Variants in USH2A observed in about 807,000 individuals in gnomAD.
The protein encoded by USH2A is Usher syndrome 2A (autosomal recessive, mild).
Under a neutral mutation model 538.9 loss-of-function variants are expected in USH2A, and 443 were observed. The observed-to-expected ratio is 0.82, with a 90% CI of 0.76 to 0.89. The LOEUF (loss-of-function observed/expected upper bound fraction) is 0.89. Among genes scored for constraint, USH2A ranks in the 40% least tolerant of loss-of-function variants. The pLI is 0.00. For missense variants in USH2A, 6,633 were observed against 6,324.8 expected (o/e 1.05, Z -1.65); for synonymous variants, 2,413 against 2,273.5 (o/e 1.06, Z -1.75).
At chr1:216,250,093 C>A (rs942224910) in intron 12 of USH2A, among the ~76,000 whole-genome samples, 3 of 152,080 alleles carry the variant, frequency 2.0e-5, no homozygotes, top group Non-Finnish European at 4.4e-5. Flanking sequence ...TCATAATATT[C>A]TCATATATCA....
At chr1:216,288,393 T>C (rs2036930669) in intron 11 of USH2A, among the ~76,000 whole-genome samples, 2 of 152,132 alleles carry the variant, frequency 1.3e-5, no homozygotes, top group African/African-American at 4.8e-5. Flanking sequence ...TTTGAATCCA[T>C]ATTTTGTCTT....
chr1:216,305,977 G>A (rs1239781570), intron 9 of USH2A, among the ~76,000 whole-genome samples: 1 of 152,102 alleles, frequency 6.6e-6, no homozygotes, highest in African/African-American at 2.4e-5. Context: ...ATAACTTGAT[G>A]ACTATGTGCC....
At chr1:215,936,154 T>A (rs895092832) in intron 37 of USH2A, among the ~76,000 whole-genome samples, 1 of 151,828 alleles carries the variant, frequency 6.6e-6, no homozygotes, top group Admixed American at 6.6e-5. Flanking sequence ...TATAGACAAA[T>A]GAATTAAAAA....
At chr1:215,896,304 GTT>G (rs957115742) in intron 40 of USH2A, among the ~76,000 whole-genome samples, 1 of 144,806 alleles carries the variant, frequency 6.9e-6, no homozygotes, top group Non-Finnish European at 1.5e-5. Context: ...CAAGTTTGGG[GTT>G]TTTTTTTTTG....
intron 61 of USH2A, among the ~76,000 whole-genome samples, chr1:215,690,528 C>G (rs558867530): frequency 8.5e-5 from 13 of 152,232 alleles, no homozygotes; most frequent in Non-Finnish European, 1.6e-4. Context: ...TTGAGTGTAG[C>G]CTGGGCAACA....
intron 69 of USH2A, 85 bp from the exon 70 acceptor site, chr1:215,634,788 A>G (rs1656423585): frequency 1.2e-6 from 2 of 1,607,632 alleles, no homozygotes; most frequent in South Asian, 2.2e-5. Flanking sequence ...ATAGTAAATT[A>G]GAGAGGAGTT....
intron 21 of USH2A, among the ~76,000 whole-genome samples, chr1:216,126,522 C>T (rs115837706): frequency 0.013 from 2,049 of 152,206 alleles, 21 homozygotes; most frequent in Non-Finnish European, 0.021. Flanking sequence ...TGTGCTGGGC[C>T]GAGTGCTTGC....
intron 11 of USH2A, among the ~76,000 whole-genome samples, chr1:216,275,801 T>C (rs2036660262): frequency 6.6e-6 from 1 of 152,152 alleles, no homozygotes; most frequent in Non-Finnish European, 1.5e-5. Context: ...ATTTGCTGCT[T>C]CTTTATATGA....
At chr1:215,675,696 C>T in intron 62 of USH2A, 80 bp from the exon 63 acceptor site, 1 of 1,608,024 alleles carries the variant, frequency 6.2e-7, no homozygotes, top group Non-Finnish European at 8.5e-7. Flanking sequence ...TTTTAACCTT[C>T]ACCCCCTTGT....
intron 64 of USH2A, among the ~76,000 whole-genome samples, chr1:215,666,784 C>G (rs1194688392): frequency 6.6e-6 from 1 of 152,154 alleles, no homozygotes; most frequent in South Asian, 2.1e-4. Context: ...ACTATCCAGG[C>G]TGCTTGTTAA....
At chr1:216,300,059 G>C (rs761348504) in intron 9 of USH2A, among the ~76,000 whole-genome samples, 1 of 152,016 alleles carries the variant, frequency 6.6e-6, no homozygotes, top group Non-Finnish European at 1.5e-5. Flanking sequence ...TTAAATTCTT[G>C]GTCCCATAAT....
At chr1:215,908,178 T>C (rs1023095815) in intron 38 of USH2A, among the ~76,000 whole-genome samples, 1 of 151,984 alleles carries the variant, frequency 6.6e-6, no homozygotes, top group Non-Finnish European at 1.5e-5. Context: ...TAGAAACCTG[T>C]GGTTTCATAC....
chr1:215,681,409 A>C (rs1359722218), intron 61 of USH2A, among the ~76,000 whole-genome samples: 1 of 152,020 alleles, frequency 6.6e-6, no homozygotes. Flanking sequence ...AATCATGAGA[A>C]AGTTTTGACT....
chr1:216,254,716 C>T (rs2036227555), intron 11 of USH2A, among the ~76,000 whole-genome samples: 3 of 152,102 alleles, frequency 2.0e-5, no homozygotes. Context: ...GCTTGCCAAC[C>T]ACCACATATG....
chr1:216,304,283 G>A (rs1352832741), intron 9 of USH2A, among the ~76,000 whole-genome samples: 1 of 151,912 alleles, frequency 6.6e-6, no homozygotes, highest in African/African-American at 2.4e-5. Context: ...GACAGCAACT[G>A]GGTTTGGTAC....
chr1:215,920,929 C>A (rs763699788), intron 38 of USH2A, among the ~76,000 whole-genome samples: 15 of 152,030 alleles, frequency 9.9e-5, no homozygotes, highest in Non-Finnish European at 2.1e-4. Context: ...CATACTCATA[C>A]TGTTCACATG....
intron 32 of USH2A, among the ~76,000 whole-genome samples, chr1:216,010,461 T>C (rs905303794): frequency 6.6e-6 from 1 of 151,896 alleles, no homozygotes; most frequent in Non-Finnish European, 1.5e-5. Context: ...CTCGGCTTAG[T>C]GGCTGAAGAC....
intron 61 of USH2A, among the ~76,000 whole-genome samples, chr1:215,694,830 T>C (rs942076674): frequency 1.3e-5 from 2 of 152,210 alleles, no homozygotes; most frequent in East Asian, 1.9e-4. Flanking sequence ...GCAATGACCA[T>C]ATAGGATTTA....
chr1:215,800,261 A>G (rs1662285390), intron 49 of USH2A, among the ~76,000 whole-genome samples: 1 of 152,022 alleles, frequency 6.6e-6, no homozygotes, highest in East Asian at 1.9e-4. Flanking sequence ...TGGCCTTCGG[A>G]ACCCTGACTT....
Sources: allele counts gnomAD v4.1 joint callset (sites outside exome capture counted in the v4.1 genomes callset), GRCh38; gene constraint gnomAD v4.1.1; transcripts MANE v1.5; gene names NCBI Gene and HGNC (gene_info 2026-07-23, HGNC 2026-07-21).